GPC5: variants seen among roughly 807,000 people sequenced by gnomAD.
The protein encoded by GPC5 is glypican-5.
In GPC5, 47 loss-of-function variants were observed where a neutral mutation model predicts 53.9. The observed-to-expected ratio is 0.87, with a 90% CI of 0.69 to 1.11. GPC5 has a LOEUF of 1.11. Among genes scored for constraint, GPC5 ranks in the 50% most tolerant of loss-of-function variants. The pLI, the probability that GPC5 is intolerant of heterozygous loss-of-function variation, is 0.00. For synonymous variants in GPC5, 286 were observed against 263.3 expected, an observed-to-expected ratio of 1.09 and a Z score of -0.84; for missense variants, 748 against 713.1, an observed-to-expected ratio of 1.05 and a Z score of -0.56.
intron 7 of GPC5, among the ~76,000 whole-genome samples, chr13:92,543,329 T>C (rs1881988216): frequency 6.6e-6 from 1 of 152,092 alleles, no homozygotes; most frequent in Non-Finnish European, 1.5e-5. Context: ...CTCTCTTAAA[T>C]TTCTCATTCA....
At chr13:92,827,571 G>C (rs943660850) in intron 7 of GPC5, among the ~76,000 whole-genome samples, 4 of 152,088 alleles carry the variant, frequency 2.6e-5, no homozygotes, top group Non-Finnish European at 4.4e-5. Flanking sequence ...GAATTTCTCT[G>C]GCTCCATTTG....
At chr13:92,414,104 G>T (rs1205309395) in intron 7 of GPC5, among the ~76,000 whole-genome samples, 2 of 152,142 alleles carry the variant, frequency 1.3e-5, no homozygotes, top group African/African-American at 4.8e-5. Flanking sequence ...CAGATGCTTT[G>T]CTAGTCGGAG....
At chr13:92,267,596 C>T (rs1384395393) in intron 7 of GPC5, among the ~76,000 whole-genome samples, 3 of 152,096 alleles carry the variant, frequency 2.0e-5, no homozygotes, top group African/African-American at 7.2e-5. Flanking sequence ...CTTTTCTTCA[C>T]ATTCTTCTTA....
chr13:92,554,881 T>A (rs552150419), intron 7 of GPC5, among the ~76,000 whole-genome samples: 1 of 151,152 alleles, frequency 6.6e-6, no homozygotes, highest in African/African-American at 2.4e-5. Flanking sequence ...AATCTACAAT[T>A]AATGGATAAT....
At chr13:92,540,466 A>T (rs1384841762) in intron 7 of GPC5, among the ~76,000 whole-genome samples, 1 of 151,942 alleles carries the variant, frequency 6.6e-6, no homozygotes, top group Non-Finnish European at 1.5e-5. Context: ...GATACAAGTT[A>T]TTTTCTTACC....
At chr13:91,830,829 A>C (rs1029345058) in intron 5 of GPC5, among the ~76,000 whole-genome samples, 1 of 138,008 alleles carries the variant, frequency 7.2e-6, no homozygotes, top group Non-Finnish European at 1.5e-5. Flanking sequence ...TATATAATAT[A>C]TATCCTATTA....
chr13:91,862,992 T>C (rs781125657), intron 5 of GPC5, among the ~76,000 whole-genome samples: 3 of 151,566 alleles, frequency 2.0e-5, no homozygotes, highest in Middle Eastern at 3.2e-3. Context: ...TTCCCCTTCC[T>C]TTTTCTCCTC....
intron 5 of GPC5, among the ~76,000 whole-genome samples, chr13:91,890,924 T>C (rs1166122205): frequency 1.3e-5 from 2 of 152,188 alleles, no homozygotes. Context: ...CAATTTCTTA[T>C]CCTAGTTTGC....
rs77485780 is a variant in GPC5 at position 91,467,983 on chromosome 13, T to C, written c.325+19061T>C. On this transcript the variant is annotated intron_variant, in intron 2 of 7. Coordinates refer to ENST00000377067, the MANE Select transcript of GPC5 (RefSeq NM_004466.6). Reference sequence around the variant, plus strand: ...GACCCCAGAATATCGCTGGCTCACATCCATGGAGAAGATTAAGTTCTTTAT... The same window carrying C: ...GACCCCAGAATATCGCTGGCTCACACCCATGGAGAAGATTAAGTTCTTTAT... Among the ~76,000 whole-genome samples, 782 of 152,286 alleles carry C rather than the reference T, an allele frequency of 5.1e-3. 6 individuals carry two copies. Among genetic ancestry groups the C allele is most frequent in the Admixed American group, 7.7e-3 (118 of 15,294 alleles).
chr13:92,663,641 C>CTA (rs1045343972), intron 7 of GPC5, among the ~76,000 whole-genome samples: 8 of 137,590 alleles, frequency 5.8e-5, no homozygotes, highest in African/African-American at 1.1e-4. Context: ...TATATACACA[C>CTA]TATATATATA....
chr13:91,596,475 C>T (rs1233712966), intron 2 of GPC5, among the ~76,000 whole-genome samples: 3 of 152,208 alleles, frequency 2.0e-5, no homozygotes, highest in African/African-American at 2.4e-5. Context: ...TTGGCTTTGA[C>T]GTATTGGTTT....
chr13:92,732,221 TC>T (rs1372238436), intron 7 of GPC5, among the ~76,000 whole-genome samples: 7 of 151,542 alleles, frequency 4.6e-5, no homozygotes, highest in African/African-American at 1.7e-4. Flanking sequence ...AATTAAGTTT[TC>T]AAAAATTAGA....
chr13:92,692,101 C>A (rs905540486), intron 7 of GPC5, among the ~76,000 whole-genome samples: 1 of 152,128 alleles, frequency 6.6e-6, no homozygotes, highest in Non-Finnish European at 1.5e-5. Context: ...ATGTTTAGCT[C>A]CCACTTACAA....
chr13:91,599,342 T>A (rs2033101020), intron 2 of GPC5, among the ~76,000 whole-genome samples: 1 of 152,156 alleles, frequency 6.6e-6, no homozygotes, highest in African/African-American at 2.4e-5. Flanking sequence ...ATGTTCAGAA[T>A]GCTTAAGTTA....
intron 7 of GPC5, among the ~76,000 whole-genome samples, chr13:92,704,247 AT>A (rs1185756087): frequency 6.6e-6 from 1 of 152,070 alleles, no homozygotes; most frequent in Non-Finnish European, 1.5e-5. Context: ...TGCAACAAAC[AT>A]AAAAATTAAT....
intron 2 of GPC5, among the ~76,000 whole-genome samples, chr13:91,569,927 T>G (rs1287176719): frequency 6.6e-6 from 1 of 152,190 alleles, no homozygotes; most frequent in Non-Finnish European, 1.5e-5. Context: ...TTTCTGTTTT[T>G]TATAAATTAC....
chr13:92,392,216 T>G (rs1025891876), intron 7 of GPC5, among the ~76,000 whole-genome samples: 1 of 152,176 alleles, frequency 6.6e-6, no homozygotes, highest in Admixed American at 6.5e-5. Context: ...ACCATAATTC[T>G]TAACCTTGTC....
At chr13:91,542,427 G>C (rs1227435392) in intron 2 of GPC5, among the ~76,000 whole-genome samples, 2 of 152,194 alleles carry the variant, frequency 1.3e-5, no homozygotes, top group Non-Finnish European at 2.9e-5. Flanking sequence ...TCTCAAATGA[G>C]AATTAGCTGA....
intron 2 of GPC5, among the ~76,000 whole-genome samples, chr13:91,582,275 A>G (rs1011268961): frequency 1.3e-5 from 2 of 152,238 alleles, no homozygotes; most frequent in African/African-American, 4.8e-5. Context: ...GATTATATCA[A>G]ATGGATATGG....
Sources: allele counts gnomAD v4.1 joint callset (sites outside exome capture counted in the v4.1 genomes callset), GRCh38; gene constraint gnomAD v4.1.1; transcripts MANE v1.5; gene names NCBI Gene and HGNC (gene_info 2026-07-23, HGNC 2026-07-21).